The following NFILZ variants were observed in gnomAD, a reference collection of about 807,000 sequenced individuals.
NFILZ encodes NFIL3 like protein.
rs1555751232 is a variant in NFILZ at position 8,679,847 on chromosome 19, G to A, written c.*2212G>A. ...TATTGTGAATATTAAATAAGAGGCAGTAAATAAATTGCCCGGTATAGGGGC... is the reference window on the plus strand; with the variant it reads ...TATTGTGAATATTAAATAAGAGGCAATAAATAAATTGCCCGGTATAGGGGC... On this transcript the variant is annotated 3_prime_UTR_variant, in exon 6 of 6. Transcript: ENST00000691075. 6.6e-6 allele frequency among the ~76,000 whole-genome samples: 1 copy of A among 152,160 alleles called. No individual in the cohort carries two copies. Among genetic ancestry groups the A allele is most frequent in the Non-Finnish European group, 1.5e-5 (1 of 68,024 alleles).
chr19:8,658,776 C>T (rs2043016448), intron 3 of NFILZ, among the ~76,000 whole-genome samples: 1 of 152,134 alleles, frequency 6.6e-6, no homozygotes, highest in South Asian at 2.1e-4. Flanking sequence ...CAGGCAGTGG[C>T]GTCATGAAAG....
chr19:8,665,365 G>C (rs1036511362), intron 3 of NFILZ, among the ~76,000 whole-genome samples: 94 of 152,278 alleles, frequency 6.2e-4, no homozygotes, highest in African/African-American at 2.2e-3. Context: ...TACGTGGCTG[G>C]AGTGGTGTGT....
chr19:8,651,798 G>A (rs782021683), intron 3 of NFILZ, among the ~76,000 whole-genome samples: 6 of 152,130 alleles, frequency 3.9e-5, no homozygotes, highest in Admixed American at 1.3e-4. Context: ...CTCCCAAAGT[G>A]CTGGGATCAC....
At chr19:8,656,374 CT>C (rs369027510) in intron 3 of NFILZ, among the ~76,000 whole-genome samples, 100 of 133,578 alleles carry the variant, frequency 7.5e-4, no homozygotes, top group African/African-American at 2.2e-3. Context: ...CACCTTCTCC[CT>C]GAAGCCCACC....
intron 3 of NFILZ, among the ~76,000 whole-genome samples, chr19:8,636,065 G>A (rs1308875897): frequency 2.6e-5 from 4 of 152,074 alleles, no homozygotes; most frequent in Non-Finnish European, 5.9e-5. Flanking sequence ...TTGAACTCCT[G>A]GCCTCAAGTG....
At position 8,679,078 on chromosome 19, in the gene NFILZ, T is replaced by G. The variant is rs910480379; in HGVS notation, c.*1443T>G. ...CTGTGTCTTGGATCAGGCCTTGAGC[T>G]GCTGGAACAGGAGCAGCTGTGTGAG... is the stretch of plus-strand genomic sequence containing the variant. On this transcript the variant is annotated 3_prime_UTR_variant, in exon 6 of 6. Coordinates refer to ENST00000691075, the MANE Select transcript of NFILZ (RefSeq NM_001378600.1). Among the ~76,000 whole-genome samples, 6 of 152,008 alleles carry G rather than the reference T, an allele frequency of 3.9e-5. No individual in the cohort carries two copies. The highest frequency in any genetic ancestry group is 1.5e-4 in the African/African-American group (6 of 41,368).
intron 3 of NFILZ, among the ~76,000 whole-genome samples, chr19:8,658,754 G>A (rs960430828): frequency 1.3e-5 from 2 of 152,114 alleles, no homozygotes; most frequent in Admixed American, 6.6e-5. Context: ...GATATACCAC[G>A]AGGAAGAAAG....
At position 8,678,029 on chromosome 19, in the gene NFILZ, TATCC is replaced by T. The variant is rs1201605257; in HGVS notation, c.*416_*419del. Among the ~76,000 whole-genome samples the T allele has an allele frequency of 5.5e-3, 460 of 83,836 alleles. 7 individuals carry two copies. Among genetic ancestry groups the T allele is most frequent in the African/African-American group, 0.024 (429 of 18,206 alleles). 55.0% of individuals were successfully genotyped at this position (83,836 alleles called of 152,430 possible). A position where few individuals can be genotyped will look rare whatever the true frequency, so the allele number is the denominator to read the frequency against. ...ATTAGTCCCTCCATCCTTATCCATCTATCCATCCATCCATCCATCCATCCACCCA... is the reference window on the plus strand; with the variant it reads ...ATTAGTCCCTCCATCCTTATCCATCTATCCATCCATCCATCCATCCACCCA... On this transcript the variant is annotated 3_prime_UTR_variant, in exon 6 of 6. Coordinates refer to ENST00000691075, the MANE Select transcript of NFILZ (RefSeq NM_001378600.1).
At position 8,659,225 on chromosome 19, in the gene NFILZ, G is replaced by T. The variant is rs1157680802; in HGVS notation, c.-163-15326G>T. ...ATCACACCAGGGCACTCCAGCCTGG[G>T]TGACAGAGGGAGACTCCATCTCAAA... On this transcript the variant is annotated intron_variant, in intron 3 of 5. Coordinates refer to ENST00000691075, the MANE Select transcript of NFILZ (RefSeq NM_001378600.1). Among the ~76,000 whole-genome samples the T allele has an allele frequency of 2.0e-5, 3 of 151,962 alleles. No homozygotes were observed. The East Asian group carries it at 5.8e-4, about 29-fold the overall frequency.
At position 8,679,880 on chromosome 19, in the gene NFILZ, G is replaced by A. The variant is rs2043137362; in HGVS notation, c.*2245G>A. 6.6e-6 allele frequency among the ~76,000 whole-genome samples: 1 copy of A among 152,066 alleles called. No individual in the cohort carries two copies. Among genetic ancestry groups the A allele is most frequent in the East Asian group, 1.9e-4 (1 of 5,188 alleles). On this transcript the variant is annotated 3_prime_UTR_variant, in exon 6 of 6. Coordinates refer to ENST00000691075, the MANE Select transcript of NFILZ (RefSeq NM_001378600.1). ...ATTGCCCGGTATAGGGGCTTCTCTGGACTGTTTTATCTTCATAAATAATGT... is the reference window on the plus strand; with the variant it reads ...ATTGCCCGGTATAGGGGCTTCTCTGAACTGTTTTATCTTCATAAATAATGT...
rs530298351 is a variant in NFILZ at position 8,678,419 on chromosome 19, T to C, written c.*784T>C. ...ACCCATCCACCTATCTATGCATGCA[T>C]CCATCCATCCTCATCCACTCATCCA... is the stretch of plus-strand genomic sequence containing the variant. On this transcript the variant is annotated 3_prime_UTR_variant, in exon 6 of 6. Transcript: ENST00000691075. Among the ~76,000 whole-genome samples, 2 of 151,850 alleles carry C rather than the reference T, an allele frequency of 1.3e-5. No individual in the cohort carries two copies. The highest frequency in any genetic ancestry group is 2.9e-5 in the Non-Finnish European group (2 of 67,940).
intron 3 of NFILZ, among the ~76,000 whole-genome samples, chr19:8,653,011 C>CTTTCTTTCTTTCTTTCTTTCTTT (rs2042974022): frequency 5.7e-5 from 3 of 52,894 alleles, no homozygotes; most frequent in African/African-American, 8.1e-5. Context: ...TTCCTTCCTT[C>CTTTCTTTCTTTCTTTCTTTCTTT]CTTTCTTTCT....
chr19:8,637,276 CAG>C (rs1269675624), intron 3 of NFILZ, among the ~76,000 whole-genome samples: 5 of 151,864 alleles, frequency 3.3e-5, no homozygotes, highest in African/African-American at 1.2e-4. Flanking sequence ...ATCCAGGAGG[CAG>C]AGATTGTAGT....
chr19:8,645,233 A>C (rs1555746976), intron 3 of NFILZ, among the ~76,000 whole-genome samples: 2 of 151,564 alleles, frequency 1.3e-5, no homozygotes, highest in Non-Finnish European at 1.5e-5. Flanking sequence ...TCCTGGGCTC[A>C]AGTGATCCTC....
At chr19:8,641,208 CCTGA>C (rs2042917574) in intron 3 of NFILZ, among the ~76,000 whole-genome samples, 1 of 152,032 alleles carries the variant, frequency 6.6e-6, no homozygotes, top group African/African-American at 2.4e-5. Flanking sequence ...CACCACCACA[CCTGA>C]CTAATGTTTG....
At position 8,678,761 on chromosome 19, in the gene NFILZ, GTTTA is replaced by G. The variant is rs1292867657; in HGVS notation, c.*1129_*1132del. The stretch of plus-strand genomic sequence containing the variant: ...TAGCCACTCATTTATGTGCTAACTT[GTTTA>G]TTCATTCATTCTCTTACTCATTAAT... On this transcript the variant is annotated 3_prime_UTR_variant, in exon 6 of 6. Transcript: ENST00000691075. 2.0e-5 allele frequency among the ~76,000 whole-genome samples: 3 copies of G among 152,202 alleles called. No homozygotes were observed. Among genetic ancestry groups the G allele is most frequent in the Admixed American group, 1.3e-4 (2 of 15,274 alleles).
In NFILZ at chr19:8,678,184, T is replaced by TCCATCCATCCATCCATCCGTCCAC. The variant is rs1555751023; in HGVS notation, c.*555_*556insATCCATCCATCCGTCCACCCATCC. Among the ~76,000 whole-genome samples, 7 of 49,378 alleles carry TCCATCCATCCATCCATCCGTCCAC rather than the reference T, an allele frequency of 1.4e-4. No homozygotes were observed. Among genetic ancestry groups the TCCATCCATCCATCCATCCGTCCAC allele is most frequent in the African/African-American group, 5.7e-4 (7 of 12,174 alleles). 32.4% of individuals were successfully genotyped at this position (49,378 alleles called of 152,430 possible). Reference sequence around the variant, plus strand: ...ATCCATCCATCCATCCATCCATCCATCCATCCGTCCATCTATCCATCCATC... The same window carrying TCCATCCATCCATCCATCCGTCCAC: ...ATCCATCCATCCATCCATCCATCCATCCATCCATCCATCCATCCGTCCACCCATCCGTCCATCTATCCATCCATC... On this transcript the variant is annotated 3_prime_UTR_variant, in exon 6 of 6. Coordinates refer to ENST00000691075, the MANE Select transcript of NFILZ (RefSeq NM_001378600.1).
chr19:8,675,855 A>T (rs911985263), intron 4 of NFILZ, among the ~76,000 whole-genome samples: 38 of 152,178 alleles, frequency 2.5e-4, no homozygotes, highest in African/African-American at 8.9e-4. Flanking sequence ...AGAGTGACTG[A>T]CACATAGGAG....
At chr19:8,673,181 T>G (rs868989586) in intron 3 of NFILZ, among the ~76,000 whole-genome samples, 5 of 152,110 alleles carry the variant, frequency 3.3e-5, no homozygotes, top group Non-Finnish European at 7.4e-5. Context: ...AGAAGAATGC[T>G]GCTTACTTTT....
Sources: allele counts gnomAD v4.1 joint callset (sites outside exome capture counted in the v4.1 genomes callset), GRCh38; gene constraint gnomAD v4.1.1; transcripts MANE v1.5; gene names NCBI Gene and HGNC (gene_info 2026-07-23, HGNC 2026-07-21).